Variants in DPP10 observed in about 807,000 individuals in gnomAD.
DPP10 encodes the protein inactive dipeptidyl peptidase 10.
Under a neutral mutation model 120.9 loss-of-function variants are expected in DPP10, and 33 were observed. The observed-to-expected ratio is 0.27, with a 90% confidence interval of 0.21 to 0.37. The LOEUF (loss-of-function observed/expected upper bound fraction) is 0.37, where lower values mean the gene tolerates loss of function less well. DPP10 is among the 10% of genes least tolerant of loss of function. DPP10 has a pLI of 1.00. For synonymous variants in DPP10, 337 were observed against 326.1 expected, an observed-to-expected ratio of 1.03 and a Z score of -0.36; for missense variants, 816 against 942.8, an observed-to-expected ratio of 0.87 and a Z score of 1.76.
At chr2:114,708,466 C>A (rs1397927794) in intron 1 of DPP10, among the ~76,000 whole-genome samples, 2 of 152,178 alleles carry the variant, frequency 1.3e-5, no homozygotes, top group Admixed American at 6.5e-5. Flanking sequence ...CCAAGGCTCT[C>A]TGGGGCCCTG....
intron 1 of DPP10, among the ~76,000 whole-genome samples, chr2:114,505,829 G>A (rs565180694): frequency 1.9e-4 from 29 of 152,144 alleles, no homozygotes; most frequent in African/African-American, 6.3e-4. Flanking sequence ...AACTTATATG[G>A]TAGCTGTTTT....
intron 1 of DPP10, among the ~76,000 whole-genome samples, chr2:114,488,880 T>G (rs1681744635): frequency 6.6e-6 from 1 of 152,142 alleles, no homozygotes; most frequent in South Asian, 2.1e-4. Context: ...TGGTAAAGCT[T>G]GATAGAACTA....
chr2:114,585,716 C>T (rs1349125253), intron 1 of DPP10, among the ~76,000 whole-genome samples: 1 of 152,160 alleles, frequency 6.6e-6, no homozygotes, highest in Non-Finnish European at 1.5e-5. Flanking sequence ...AACAGCTACA[C>T]AGTGTCCCAT....
At chr2:115,752,441 C>T (rs1678865010) in intron 10 of DPP10, among the ~76,000 whole-genome samples, 2 of 152,138 alleles carry the variant, frequency 1.3e-5, no homozygotes. Context: ...TAATTGGCCC[C>T]ATAAATTATA....
intron 5 of DPP10, among the ~76,000 whole-genome samples, chr2:115,555,115 C>T (rs2080124956): frequency 6.6e-6 from 1 of 152,152 alleles, no homozygotes; most frequent in Non-Finnish European, 1.5e-5. Flanking sequence ...ACTTTGGTAT[C>T]TGATGTTCCA....
At chr2:114,555,691 T>G (rs1217618594) in intron 1 of DPP10, among the ~76,000 whole-genome samples, 1 of 152,170 alleles carries the variant, frequency 6.6e-6, no homozygotes, top group African/African-American at 2.4e-5. Context: ...GAAAAAATAT[T>G]TAAAGTGTAA....
intron 1 of DPP10, among the ~76,000 whole-genome samples, chr2:114,649,170 T>C (rs561520430): frequency 1.3e-5 from 2 of 152,364 alleles, no homozygotes; most frequent in African/African-American, 4.8e-5. Context: ...GTACTTGTTA[T>C]TAACATATTC....
chr2:115,417,180 C>T (rs543336573), intron 3 of DPP10, among the ~76,000 whole-genome samples: 1 of 152,152 alleles, frequency 6.6e-6, no homozygotes, highest in Admixed American at 6.6e-5. Context: ...CAGAGCTCCC[C>T]AATATAGAAG....
At chr2:115,623,940 A>G (rs2149292011) in intron 5 of DPP10, among the ~76,000 whole-genome samples, 1 of 148,894 alleles carries the variant, frequency 6.7e-6, no homozygotes, top group Admixed American at 6.6e-5. Flanking sequence ...GACCCTAGAA[A>G]CAAAACGAGA....
At chr2:115,828,225 A>T (rs1162024419) in intron 21 of DPP10, among the ~76,000 whole-genome samples, 2 of 152,074 alleles carry the variant, frequency 1.3e-5, no homozygotes, top group African/African-American at 4.8e-5. Context: ...ATTTTTTTCA[A>T]TAAGAATATG....
rs541817610 is a variant in DPP10, at chr2:115,720,106, T to G, written c.577-7710T>G. Among the ~76,000 whole-genome samples, 3 of 152,290 alleles carry G rather than the reference T, an allele frequency of 2.0e-5. No individual in the cohort carries two copies. In the South Asian group the frequency reaches 6.2e-4, roughly 32 times the overall value. ...CTATGCTCAGCTTTGGTAAGAACTG[T>G]CAAAAGGATTGACAAATTGATTGTA... On this transcript the variant is annotated intron_variant, in intron 7 of 25. Coordinates refer to ENST00000410059, the MANE Select transcript of DPP10 (RefSeq NM_020868.6).
intron 1 of DPP10, among the ~76,000 whole-genome samples, chr2:115,033,407 G>T (rs76497570): frequency 6.6e-6 from 1 of 151,896 alleles, no homozygotes; most frequent in Non-Finnish European, 1.5e-5. Context: ...ATCTTTAGTG[G>T]CTCCTTTTGC....
chr2:115,028,000 A>G (rs1703587190), intron 1 of DPP10, among the ~76,000 whole-genome samples: 1 of 151,858 alleles, frequency 6.6e-6, no homozygotes, highest in Non-Finnish European at 1.5e-5. Flanking sequence ...TACTCTTTTA[A>G]TCTTAGTATA....
intron 7 of DPP10, among the ~76,000 whole-genome samples, chr2:115,723,177 A>T (rs1005378413): frequency 4.6e-5 from 7 of 152,208 alleles, no homozygotes; most frequent in African/African-American, 9.7e-5. Context: ...AGTAATAAAA[A>T]ACCATATAGG....
intron 3 of DPP10, among the ~76,000 whole-genome samples, chr2:115,375,957 C>T (rs1024571516): frequency 6.6e-6 from 1 of 152,172 alleles, no homozygotes; most frequent in Non-Finnish European, 1.5e-5. Context: ...GACACAGAAC[C>T]AAACCATGTC....
intron 1 of DPP10, among the ~76,000 whole-genome samples, chr2:114,557,804 T>G (rs1326976359): frequency 1.3e-5 from 2 of 152,206 alleles, no homozygotes; most frequent in African/African-American, 2.4e-5. Flanking sequence ...AATTGATGTA[T>G]TTGGGGCTCA....
At chr2:115,242,130 G>T (rs1371021043) in intron 1 of DPP10, among the ~76,000 whole-genome samples, 1 of 152,094 alleles carries the variant, frequency 6.6e-6, no homozygotes, top group Non-Finnish European at 1.5e-5. Context: ...TACCCAATTT[G>T]TAGCGTTTTA....
intron 7 of DPP10, among the ~76,000 whole-genome samples, chr2:115,712,543 A>T (rs6722265): frequency 0.14 from 8,530 of 62,474 alleles, 2,298 homozygotes; most frequent in African/African-American, 0.29. Context: ...TCCTGAATTA[A>T]ATATATATAT....
chr2:114,743,008 C>G (rs189306117), intron 1 of DPP10, among the ~76,000 whole-genome samples: 83 of 152,276 alleles, frequency 5.5e-4, no homozygotes, highest in African/African-American at 1.9e-3. Context: ...CCTTGAAATT[C>G]ACTTTTAGAA....
Sources: gnomAD v4.1 joint callset for allele counts (sites outside exome capture counted in the v4.1 genomes callset) on GRCh38, gnomAD v4.1.1 for gene constraint, MANE v1.5 for transcripts, NCBI Gene and HGNC (gene_info 2026-07-23, HGNC 2026-07-21) for gene names.